The following KDM5A variants were observed in gnomAD, a reference collection of about 807,000 sequenced individuals.
KDM5A encodes the protein lysine-specific demethylase 5A.
A neutral mutation model predicts 193.5 loss-of-function variants in KDM5A; 42 were observed. That is an observed-to-expected ratio of 0.22 (90% CI 0.17 to 0.28). The LOEUF is 0.28. KDM5A is among the 10% of genes least tolerant of loss of function. KDM5A has a pLI of 1.00. For synonymous variants in KDM5A, 796 were observed against 718.1 expected (o/e 1.11, Z -1.73); for missense variants, 1,692 against 2,055.1 (o/e 0.82, Z 3.42).
At chr12:302,115 T>G (rs1334476418) in intron 24 of KDM5A, among the ~76,000 whole-genome samples, 1 of 152,194 alleles carries the variant, frequency 6.6e-6, no homozygotes, top group Non-Finnish European at 1.5e-5. Context: ...ATTTACAGAT[T>G]CAATGCTATT....
At chr12:298,491 G>T (rs1347324411) in intron 24 of KDM5A, among the ~76,000 whole-genome samples, 1 of 152,154 alleles carries the variant, frequency 6.6e-6, no homozygotes, top group Non-Finnish European at 1.5e-5. Context: ...AAACAGAAAG[G>T]AGTAGTGTCA....
chr12:316,708 A>T (rs1313913722), intron 19 of KDM5A, among the ~76,000 whole-genome samples: 1 of 152,238 alleles, frequency 6.6e-6, no homozygotes, highest in East Asian at 1.9e-4. Flanking sequence ...GTCTGAAGAC[A>T]CTGAGTAATA....
intron 3 of KDM5A, among the ~76,000 whole-genome samples, chr12:383,099 T>C (rs1409745641): frequency 2.0e-5 from 3 of 152,136 alleles, no homozygotes; most frequent in Admixed American, 1.3e-4. Flanking sequence ...TTGGTCATCC[T>C]ACTGAATAAT....
Position 282,265 on chromosome 12 carries a change from G to A in KDM5A, c.*3191C>T, listed in dbSNP as rs1943163930. 1 of 237,804 alleles carries A rather than the reference G, an allele frequency of 4.2e-6. No individual in the cohort carries two copies. The highest frequency in any genetic ancestry group is 1.5e-4 in the South Asian group (1 of 6,504). 14.7% of individuals were successfully genotyped at this position (237,804 alleles called of 1,614,324 possible). On this transcript the variant is annotated 3_prime_UTR_variant, in exon 28 of 28. Transcript: ENST00000399788. ...AGCAATCTTCCCACTTCAGCCTCCTGACCACAGGTGCACTCTACTGCACCT... is the reference window on the plus strand; with the variant it reads ...AGCAATCTTCCCACTTCAGCCTCCTAACCACAGGTGCACTCTACTGCACCT...
At chr12:374,709 T>C (rs1429348591) in intron 3 of KDM5A, among the ~76,000 whole-genome samples, 1 of 152,216 alleles carries the variant, frequency 6.6e-6, no homozygotes, top group South Asian at 2.1e-4. Context: ...CAGTGGCTGG[T>C]ACCAGTTGTT....
Position 285,441 on chromosome 12 carries a change from C to T in KDM5A, c.*15G>A, listed in dbSNP as rs377432668. 5 of 1,611,828 alleles carry T rather than the reference C, an allele frequency of 3.1e-6. No individual in the cohort carries two copies. The African/African-American group carries it at 5.3e-5, about 17-fold the overall frequency. On this transcript the variant is annotated 3_prime_UTR_variant, in exon 28 of 28. Coordinates refer to ENST00000399788, the MANE Select transcript of KDM5A (RefSeq NM_001042603.3). ...GGTCCATGTCCCCCCATGTCCCAAA[C>T]TAACCAAGCATCTGCTAACTGGTCT...
intron 3 of KDM5A, 106 bp from the exon 4 acceptor site, chr12:366,210 A>G (rs1944355235): frequency 4.1e-6 from 4 of 980,572 alleles, no homozygotes; most frequent in Non-Finnish European, 6.3e-6. Context: ...TTAAATTTCA[A>G]ATTTCCTTTC....
intron 24 of KDM5A, among the ~76,000 whole-genome samples, chr12:302,449 G>A (rs1283873637): frequency 6.6e-6 from 1 of 152,192 alleles, no homozygotes; most frequent in African/African-American, 2.4e-5. Context: ...AATGGTGTTG[G>A]GAAAACTGGC....
intron 1 of KDM5A, among the ~76,000 whole-genome samples, chr12:388,700 C>T (rs888192457): frequency 6.6e-6 from 1 of 152,190 alleles, no homozygotes; most frequent in Non-Finnish European, 1.5e-5. Context: ...GTATCAGTTC[C>T]CAAGTTCTAG....
At chr12:357,827 CA>C (rs61577928) in intron 5 of KDM5A, among the ~76,000 whole-genome samples, 1,585 of 29,654 alleles carry the variant, frequency 0.053, 7 homozygotes, top group East Asian at 0.22. Context: ...GACTCAGTCT[CA>C]AAAAAAAAAA....
chr12:330,085 G>GTGTGTGTGTGTGTGTGTATATATA (rs377271333), intron 13 of KDM5A, among the ~76,000 whole-genome samples: 116 of 139,362 alleles, frequency 8.3e-4, no homozygotes, highest in African/African-American at 2.6e-3. Flanking sequence ...GTGTGTGTGT[G>GTGTGTGTGTGTGTGTGTATATATA]TATATATATA....
rs1396998127 is a variant in KDM5A, at chr12:321,021, C to T, written c.2515G>A (p.Val839Ile). ...FVQQLFSLPCVISQARQVKNL... is the reference protein window; with the variant it reads ...FVQQLFSLPCIISQARQVKNL... ...TTTACTTGCCGAGCTTGGCTGATGACACACGGAAGACTAAAAAGTTGTTGG... is the reference window on the plus strand; with the variant it reads ...TTTACTTGCCGAGCTTGGCTGATGATACACGGAAGACTAAAAAGTTGTTGG... The change falls in exon 18 of 28, where the codon GTC becomes ATC. Residue 839 changes from valine to isoleucine, a missense_variant. Transcript: ENST00000399788. 1.2e-6 allele frequency: 2 copies of T among 1,613,942 alleles called. No individual in the cohort carries two copies. The highest frequency in any genetic ancestry group is 1.7e-6 in the Non-Finnish European group (2 of 1,179,822).
intron 8 of KDM5A, among the ~76,000 whole-genome samples, chr12:353,258 A>G (rs1225631547): frequency 2.0e-5 from 3 of 152,150 alleles, no homozygotes; most frequent in Non-Finnish European, 2.9e-5. Context: ...TGAGCCCAGA[A>G]GCCAGAGGCT....
intron 10 of KDM5A, among the ~76,000 whole-genome samples, chr12:348,354 G>A (rs542668959): frequency 6.6e-5 from 10 of 152,300 alleles, no homozygotes; most frequent in East Asian, 3.9e-4. Context: ...TCAGTGTGGC[G>A]ATTCCTTAAG....
chr12:322,949 AC>A, intron 16 of KDM5A, 132 bp downstream of exon 16: 1 of 1,151,494 alleles, frequency 8.7e-7, no homozygotes, highest in Non-Finnish European at 1.3e-6. Flanking sequence ...TATTCAATCA[AC>A]CCATTAATCT....
chr12:300,381 A>G (rs1170316618), intron 24 of KDM5A, among the ~76,000 whole-genome samples: 1 of 152,186 alleles, frequency 6.6e-6, no homozygotes, highest in African/African-American at 2.4e-5. Context: ...TAAGAAACTC[A>G]CTCAAAACCA....
At chr12:325,110 T>C (rs1943765764) in intron 14 of KDM5A, among the ~76,000 whole-genome samples, 1 of 152,226 alleles carries the variant, frequency 6.6e-6, no homozygotes, top group South Asian at 2.1e-4. Flanking sequence ...CAGTTTAATC[T>C]AGATGTCTGC....
chr12:344,005 C>G (rs961985032), intron 10 of KDM5A, among the ~76,000 whole-genome samples: 2 of 152,152 alleles, frequency 1.3e-5, no homozygotes, highest in Admixed American at 6.5e-5. Flanking sequence ...CGCAAGGAAG[C>G]TAAAAACCTT....
At chr12:351,766 C>A (rs905682383) in intron 9 of KDM5A, among the ~76,000 whole-genome samples, 1 of 152,000 alleles carries the variant, frequency 6.6e-6, no homozygotes, top group Admixed American at 6.6e-5. Context: ...GTCAGGAGAT[C>A]GAGACCAGCC....
Sources: gnomAD v4.1 joint callset for allele counts (sites outside exome capture counted in the v4.1 genomes callset) on GRCh38, gnomAD v4.1.1 for gene constraint, MANE v1.5 for transcripts, NCBI Gene and HGNC (gene_info 2026-07-23, HGNC 2026-07-21) for gene names.